The following SDK1 variants were observed in gnomAD, a reference collection of about 807,000 sequenced individuals.
The protein encoded by SDK1 is sidekick cell adhesion molecule 1, also known as protein sidekick-1.
Under a neutral mutation model 245.5 loss-of-function variants are expected in SDK1, and 157 were observed. The observed-to-expected ratio is 0.64, with a 90% CI of 0.56 to 0.73. SDK1 has a LOEUF of 0.73. Ranked by LOEUF, SDK1 falls within the 30% of genes least tolerant of loss-of-function variation. SDK1 has a pLI of 0.00. For synonymous variants in SDK1, 1,647 were observed against 1,278.5 expected, an observed-to-expected ratio of 1.29 and a Z score of -6.15; for missense variants, 3,583 against 3,002.3, an observed-to-expected ratio of 1.19 and a Z score of -4.52.
chr7:3,956,332 T>A (rs767779586), intron 7 of SDK1, among the ~76,000 whole-genome samples: 1 of 152,214 alleles, frequency 6.6e-6, no homozygotes, highest in African/African-American at 2.4e-5. Context: ...CCTCCGGTTC[T>A]TTGCCTTAGA....
At chr7:3,801,673 C>T (rs914638716) in intron 4 of SDK1, among the ~76,000 whole-genome samples, 1 of 152,188 alleles carries the variant, frequency 6.6e-6, no homozygotes, top group Non-Finnish European at 1.5e-5. Context: ...GTTCTAGATG[C>T]TGTGGCTGCT....
chr7:3,670,273 G>T (rs1195166530), intron 4 of SDK1, among the ~76,000 whole-genome samples: 1 of 152,122 alleles, frequency 6.6e-6, no homozygotes, highest in African/African-American at 2.4e-5. Context: ...AAACAGCAGG[G>T]TTTGTGTAAT....
rs554831261 is a variant in SDK1 at position 4,102,335 on chromosome 7, G to A, written c.3325-8328G>A. On this transcript the variant is annotated intron_variant, in intron 22 of 44. Transcript: ENST00000404826. ...CACGGGGAGGAGCCGTCAGAAGCAG[G>A]GGTACTCAGTGTCTGTGGAAGTTGC... 1.6e-3 allele frequency among the ~76,000 whole-genome samples: 239 copies of A among 152,280 alleles called. No homozygotes were observed. The Middle Eastern group carries it at 0.017, about 11-fold the overall frequency.
intron 1 of SDK1, 61 bp downstream of exon 1, chr7:3,301,945 G>C: frequency 1.9e-6 from 2 of 1,065,532 alleles, no homozygotes; most frequent in South Asian, 8.8e-5. Context: ...GCGCGAACTT[G>C]AGCAGCGAGA....
chr7:3,497,198 C>G (rs1190105364), intron 1 of SDK1, among the ~76,000 whole-genome samples: 3 of 152,124 alleles, frequency 2.0e-5, no homozygotes, highest in African/African-American at 7.2e-5. Flanking sequence ...AAGGCTGTTA[C>G]CACTCAGCGA....
At chr7:3,311,005 T>G (rs1221974020) in intron 1 of SDK1, among the ~76,000 whole-genome samples, 1 of 152,170 alleles carries the variant, frequency 6.6e-6, no homozygotes, top group Admixed American at 6.5e-5. Context: ...TTAGGTGGTG[T>G]TATTTATTCT....
At chr7:3,936,440 C>G (rs1780161229) in intron 5 of SDK1, among the ~76,000 whole-genome samples, 1 of 151,980 alleles carries the variant, frequency 6.6e-6, no homozygotes, top group Non-Finnish European at 1.5e-5. Context: ...AAAAAATTAG[C>G]CAGGCATGGT....
intron 22 of SDK1, among the ~76,000 whole-genome samples, chr7:4,099,938 C>CA (rs2128186747): frequency 6.6e-6 from 1 of 152,196 alleles, no homozygotes; most frequent in African/African-American, 2.4e-5. Context: ...GGGCTCTTGA[C>CA]AGCCCTTTAG....
chr7:3,315,500 G>A (rs1779642209), intron 1 of SDK1, among the ~76,000 whole-genome samples: 1 of 151,974 alleles, frequency 6.6e-6, no homozygotes, highest in African/African-American at 2.4e-5. Context: ...TCTGACATAG[G>A]GTCACGCATG....
intron 14 of SDK1, among the ~76,000 whole-genome samples, chr7:4,003,396 G>A (rs1372190959): frequency 6.6e-6 from 1 of 152,198 alleles, no homozygotes; most frequent in Non-Finnish European, 1.5e-5. Flanking sequence ...TGGTGCCTTT[G>A]TCCATTCATT....
Position 4,017,244 on chromosome 7 carries a change from G to A in SDK1, c.2494G>A (p.Val832Met), listed in dbSNP as rs1249198537. ...ITSPEVNYCL[V>M]TDLIIWTQYE... ...CAGCCCGGAGGTGAACTACTGCCTGGTGACAGACCTGATCATCTGGACACA... is the reference window on the plus strand; with the variant it reads ...CAGCCCGGAGGTGAACTACTGCCTGATGACAGACCTGATCATCTGGACACA... Residue 832 changes from valine (V) to methionine (M), a missense_variant, in exon 17 of 45, where the codon GTG (valine) becomes ATG (methionine). Transcript: ENST00000404826. 31 of 1,614,122 alleles carry A rather than the reference G, an allele frequency of 1.9e-5. No homozygotes were observed. The highest frequency in any genetic ancestry group is 2.5e-5 in the Non-Finnish European group (29 of 1,180,002).
At chr7:3,416,575 G>A (rs1044188522) in intron 1 of SDK1, among the ~76,000 whole-genome samples, 24 of 151,626 alleles carry the variant, frequency 1.6e-4, no homozygotes, top group African/African-American at 5.1e-4. Context: ...TTAGGGAGGT[G>A]TTCCCCTGGC....
At chr7:4,176,115 TTCC>T (rs1344342076) in intron 34 of SDK1, among the ~76,000 whole-genome samples, 3 of 150,548 alleles carry the variant, frequency 2.0e-5, no homozygotes, top group Non-Finnish European at 4.5e-5. Context: ...AACTTCCTTC[TTCC>T]TTTTTTTTTT....
chr7:3,726,416 A>T (rs1779009391), intron 4 of SDK1, among the ~76,000 whole-genome samples: 1 of 152,210 alleles, frequency 6.6e-6, no homozygotes, highest in South Asian at 2.1e-4. Flanking sequence ...TCTTACAGGA[A>T]ACTGTTTTTG....
intron 1 of SDK1, among the ~76,000 whole-genome samples, chr7:3,522,428 A>G (rs1782970574): frequency 6.6e-6 from 1 of 152,188 alleles, no homozygotes; most frequent in Non-Finnish European, 1.5e-5. Flanking sequence ...CTTAGAAACA[A>G]TTTAAGAGAA....
chr7:4,128,959 G>A (rs570962687), intron 26 of SDK1, among the ~76,000 whole-genome samples: 1 of 127,872 alleles, frequency 7.8e-6, no homozygotes, highest in East Asian at 2.4e-4. Flanking sequence ...AGCAGCTTGG[G>A]GTGGGGTCCC....
intron 1 of SDK1, among the ~76,000 whole-genome samples, chr7:3,425,806 A>C (rs1779660175): frequency 6.6e-6 from 1 of 152,246 alleles, no homozygotes. Context: ...GTAAAAAGCC[A>C]GCCATGATGA....
At chr7:3,652,631 T>C (rs1028285413) in intron 4 of SDK1, among the ~76,000 whole-genome samples, 1 of 152,194 alleles carries the variant, frequency 6.6e-6, no homozygotes, top group African/African-American at 2.4e-5. Context: ...TAGGTTATCA[T>C]TCAGACAGTC....
rs141229840 is a variant in SDK1, at chr7:3,709,102, C to T, written c.713+66997C>T. Among the ~76,000 whole-genome samples, 181 of 152,326 alleles carry T rather than the reference C, an allele frequency of 1.2e-3. 1 individual carries two copies. The highest frequency in any genetic ancestry group is 4.3e-3 in the African/African-American group (177 of 41,580). Reference sequence around the variant, plus strand: ...CAACCTTTTGTTTCAGAATTCAGAACTCCTTTTAGCATTTCTTGTAGGGCT... The same window carrying T: ...CAACCTTTTGTTTCAGAATTCAGAATTCCTTTTAGCATTTCTTGTAGGGCT... On this transcript the variant is annotated intron_variant, in intron 4 of 44. Coordinates refer to ENST00000404826, the MANE Select transcript of SDK1 (RefSeq NM_152744.4).
Sources: gnomAD v4.1 joint callset for allele counts (sites outside exome capture counted in the v4.1 genomes callset) on GRCh38, gnomAD v4.1.1 for gene constraint, MANE v1.5 for transcripts, NCBI Gene and HGNC (gene_info 2026-07-23, HGNC 2026-07-21) for gene names.